Variants in NIBAN1 observed in about 807,000 individuals in gnomAD.
NIBAN1 encodes protein Niban 1.
NIBAN1 carries 81 observed loss-of-function variants against 75.1 expected under a neutral mutation model. The ratio of observed to expected loss-of-function variants is 1.08; its 90% CI spans 0.90 to 1.30. The LOEUF (loss-of-function observed/expected upper bound fraction) is 1.30. Ranked by LOEUF, NIBAN1 falls within the 50% of genes most tolerant of loss-of-function variation. The pLI is 0.00. For missense variants in NIBAN1, 1,133 were observed against 1,128.1 expected (o/e 1.00, Z -0.06); for synonymous variants, 436 against 424.8 (o/e 1.03, Z -0.32).
chr1:184,886,998 G>A (rs1428755514), intron 4 of NIBAN1, among the ~76,000 whole-genome samples: 1 of 152,134 alleles, frequency 6.6e-6, no homozygotes, highest in Non-Finnish European at 1.5e-5. Flanking sequence ...GCATGCACCT[G>A]TAATCCCAGC....
intron 1 of NIBAN1, among the ~76,000 whole-genome samples, chr1:184,928,354 G>A (rs1356708637): frequency 6.6e-6 from 1 of 152,112 alleles, no homozygotes; most frequent in Non-Finnish European, 1.5e-5. Context: ...ACCCCAGCTG[G>A]TGTGTTACTG....
chr1:184,858,966 CA>C (rs1182699765), intron 5 of NIBAN1, among the ~76,000 whole-genome samples: 4 of 151,108 alleles, frequency 2.6e-5, no homozygotes, highest in African/African-American at 9.7e-5. Context: ...AAACAAAAAA[CA>C]AAAAACAGTG....
rs1183570776 is a variant in NIBAN1 at position 184,818,635 on chromosome 1, TA to T, written c.1173+2del. On this transcript the variant is annotated splice_donor_variant, in intron 9 of 13. Transcript: ENST00000367511. LOFTEE classifies it high-confidence loss of function. The stretch of plus-strand genomic sequence containing the variant: ...CACCCAGCTCCTCAGCTTTGTATCC[TA>T]CCTCCTTTAGCTGGACACTGTCTTT... The T allele has an allele frequency of 6.3e-7, 1 of 1,588,044 alleles. No homozygotes were observed. Among genetic ancestry groups the T allele is most frequent in the East Asian group, 2.3e-5 (1 of 44,386 alleles).
intron 1 of NIBAN1, among the ~76,000 whole-genome samples, chr1:184,905,936 T>A: frequency 6.6e-6 from 1 of 152,054 alleles, no homozygotes; most frequent in East Asian, 1.9e-4. Context: ...GAATATTAAT[T>A]ACCAAAAATA....
intron 9 of NIBAN1, among the ~76,000 whole-genome samples, chr1:184,812,219 C>T (rs539293182): frequency 6.6e-6 from 1 of 152,300 alleles, no homozygotes; most frequent in Non-Finnish European, 1.5e-5. Flanking sequence ...CAAGTTGAAA[C>T]TCCTAGTCGG....
chr1:184,969,790 C>T (rs1658888764), intron 1 of NIBAN1, among the ~76,000 whole-genome samples: 1 of 151,884 alleles, frequency 6.6e-6, no homozygotes, highest in Admixed American at 6.6e-5. Context: ...CTTCAGCCTC[C>T]CAAAGTGCCG....
chr1:184,908,093 GCT>G (rs1657150017), intron 1 of NIBAN1, among the ~76,000 whole-genome samples: 3 of 152,224 alleles, frequency 2.0e-5, no homozygotes, highest in Admixed American at 1.3e-4. Context: ...ATCGTTTCCT[GCT>G]TTCCAACACT....
chr1:184,974,228 G>T, intron 1 of NIBAN1, 74 bp downstream of exon 1: 1 of 1,394,334 alleles, frequency 7.2e-7, no homozygotes, highest in Non-Finnish European at 9.3e-7. Context: ...CGCGCCCCTT[G>T]GGGCCCCGAC....
intron 6 of NIBAN1, among the ~76,000 whole-genome samples, chr1:184,825,990 C>A (rs1210169359): frequency 6.6e-6 from 1 of 152,236 alleles, no homozygotes; most frequent in Non-Finnish European, 1.5e-5. Flanking sequence ...GGTCACTGGT[C>A]ACTAGTGGAA....
At chr1:184,961,305 G>C (rs1034776074) in intron 1 of NIBAN1, among the ~76,000 whole-genome samples, 41 of 150,758 alleles carry the variant, frequency 2.7e-4, no homozygotes, top group African/African-American at 1.0e-3. Flanking sequence ...TCCTGACCTC[G>C]TGATCCACCC....
At chr1:184,877,426 TTATACTC>T (rs1054913781) in intron 5 of NIBAN1, among the ~76,000 whole-genome samples, 18 of 152,236 alleles carry the variant, frequency 1.2e-4, no homozygotes, top group African/African-American at 3.1e-4. Context: ...ATAACGTTCT[TTATACTC>T]TATACATACT....
At chr1:184,941,713 G>T (rs555209886) in intron 1 of NIBAN1, among the ~76,000 whole-genome samples, 1 of 151,968 alleles carries the variant, frequency 6.6e-6, no homozygotes, top group Non-Finnish European at 1.5e-5. Flanking sequence ...ATACCTGGGG[G>T]TGTGAGATGG....
At chr1:184,951,941 C>A (rs745314574) in intron 1 of NIBAN1, among the ~76,000 whole-genome samples, 1 of 152,276 alleles carries the variant, frequency 6.6e-6, no homozygotes, top group African/African-American at 2.4e-5. Context: ...GGTAATGATA[C>A]CATCTTATTA....
At position 184,795,782 on chromosome 1, in the gene NIBAN1, T is replaced by A. The variant is rs774255057; in HGVS notation, c.1982A>T (p.Asp661Val). The change falls in exon 14 of 14, where the codon GAT becomes GTT. Residue 661 changes from aspartate (D) to valine (V), a missense_variant. Coordinates refer to ENST00000367511, the MANE Select transcript of NIBAN1 (RefSeq NM_052966.4). ...GTEQVIISRV[D>V]DPVVNPVATE... ...TGCCACAGGATTCACCACGGGGTCATCCACTCTTGAAATAATCACCTGCTC... is the reference window on the plus strand; with the variant it reads ...TGCCACAGGATTCACCACGGGGTCAACCACTCTTGAAATAATCACCTGCTC... The A allele has an allele frequency of 1.2e-6, 2 of 1,611,366 alleles. No individual in the cohort carries two copies. Among genetic ancestry groups the A allele is most frequent in the Non-Finnish European group, 1.7e-6 (2 of 1,178,466 alleles).
At chr1:184,809,688 T>TAC (rs1654320410) in intron 9 of NIBAN1, among the ~76,000 whole-genome samples, 1 of 119,684 alleles carries the variant, frequency 8.4e-6, no homozygotes, top group Non-Finnish European at 1.7e-5. Context: ...TATATATACA[T>TAC]ATATATGTGT....
chr1:184,823,806 A>ATTTTT, intron 6 of NIBAN1, 64 bp from the exon 7 acceptor site: 1 of 1,405,958 alleles, frequency 7.1e-7, no homozygotes, highest in Non-Finnish European at 1.0e-6. Context: ...GCATCAGGCC[A>ATTTTT]ACTAAAAATG....
At chr1:184,801,798 AC>A (rs1654049694) in intron 12 of NIBAN1, among the ~76,000 whole-genome samples, 1 of 152,176 alleles carries the variant, frequency 6.6e-6, no homozygotes, top group South Asian at 2.1e-4. Context: ...TAAACAGTAG[AC>A]CTTTAAATTT....
At chr1:184,935,231 G>A (rs984040355) in intron 1 of NIBAN1, among the ~76,000 whole-genome samples, 15 of 152,080 alleles carry the variant, frequency 9.9e-5, no homozygotes, top group African/African-American at 2.9e-4. Context: ...AATAAGATCC[G>A]AGGCTGGGAA....
chr1:184,843,675 G>T (rs1486803917), intron 5 of NIBAN1, among the ~76,000 whole-genome samples: 1 of 152,146 alleles, frequency 6.6e-6, no homozygotes, highest in Admixed American at 6.5e-5. Context: ...GGGAAGATTT[G>T]TATTCTAAGA....
Sources: allele counts gnomAD v4.1 joint callset (sites outside exome capture counted in the v4.1 genomes callset), GRCh38; gene constraint gnomAD v4.1.1; transcripts MANE v1.5; gene names NCBI Gene and HGNC (gene_info 2026-07-23, HGNC 2026-07-21).